ADGRA3: variants seen among roughly 807,000 people sequenced by gnomAD.
The protein encoded by ADGRA3 is adhesion G protein-coupled receptor A3.
A neutral mutation model predicts 119.8 loss-of-function variants in ADGRA3; 56 were observed. The ratio of observed to expected loss-of-function variants is 0.47; its 90% CI spans 0.38 to 0.58. The LOEUF (loss-of-function observed/expected upper bound fraction) is 0.58, where lower values mean the gene tolerates loss of function less well. ADGRA3 is among the 20% of genes least tolerant of loss of function. The pLI is 0.00. For missense variants in ADGRA3, 1,516 were observed against 1,649.0 expected, an observed-to-expected ratio of 0.92 and a Z score of 1.40; for synonymous variants, 607 against 623.8, an observed-to-expected ratio of 0.97 and a Z score of 0.40.
Position 22,388,835 on chromosome 4 carries a change from G to A in ADGRA3, c.2836C>T (p.Pro946Ser), listed in dbSNP as rs768058984. 2.0e-5 allele frequency: 32 copies of A among 1,613,814 alleles called. No homozygotes were observed. The highest frequency in any genetic ancestry group is 2.5e-5 in the Non-Finnish European group (30 of 1,179,958). The change falls in exon 19 of 19, where the codon CCT (proline) becomes TCT (serine). Residue 946 changes from proline (P) to serine (S), a missense_variant. This residue lies in a region of ADGRA3 where 1,088 missense variants were observed against 1,107.1 expected (regional missense o/e 0.98). Coordinates refer to ENST00000334304, the MANE Select transcript of ADGRA3 (RefSeq NM_145290.4). ...LSIFIQLKRHPERKYELKEPT... is the reference protein window; with the variant it reads ...LSIFIQLKRHSERKYELKEPT... The stretch of plus-strand genomic sequence containing the variant: ...TCCTTAAGCTCATATTTGCGCTCAG[G>A]GTGTCTTTTCAACTGAATAAATATG...
chr4:22,416,298 G>A (rs1405392807), intron 12 of ADGRA3, among the ~76,000 whole-genome samples: 4 of 152,046 alleles, frequency 2.6e-5, no homozygotes, highest in South Asian at 2.1e-4. Flanking sequence ...ACAAACACAC[G>A]AATGAGAGGT....
chr4:22,408,595 C>T (rs191746534), intron 14 of ADGRA3, among the ~76,000 whole-genome samples: 70 of 152,134 alleles, frequency 4.6e-4, no homozygotes, highest in African/African-American at 1.6e-3. Flanking sequence ...TAGAATGATA[C>T]ATCACAACAC....
rs1719643565 is a variant in ADGRA3 at position 22,515,757 on chromosome 4, G to T, written c.28C>A (p.Arg10Ser). 15 of 1,022,558 alleles carry T rather than the reference G, an allele frequency of 1.5e-5. No homozygotes were observed. The highest frequency in any genetic ancestry group is 1.7e-5 in the Non-Finnish European group (15 of 858,734). The allele number at this position is 1,022,558 out of a possible 1,614,324, so 63.3% of individuals were successfully genotyped here. A position where few individuals can be genotyped will look rare whatever the true frequency, so the allele number is the denominator to read the frequency against. The change falls in exon 1 of 19, where the codon CGC (arginine) becomes AGC (serine). Residue 10 changes from arginine (R) to serine (S), a missense_variant. By Grantham distance (110) the Arg-to-Ser change is moderately radical. This residue lies in a region of ADGRA3 where 428 missense variants were observed against 541.9 expected (regional missense o/e 0.79). Coordinates refer to ENST00000334304, the MANE Select transcript of ADGRA3 (RefSeq NM_145290.4). MEPPGRRRG[R>S]AQPPLLLPLS... ...GGCAGCAACAGCGGCGGCTGCGCGC[G>T]GCCCCGCCGGCGTCCGGGTGGCTCC...
Position 22,461,526 on chromosome 4 carries a change from C to G in ADGRA3, c.401+211G>C, listed in dbSNP as rs1020313476. 3.9e-5 allele frequency among the ~76,000 whole-genome samples: 6 copies of G among 152,300 alleles called. No individual in the cohort carries two copies. In the East Asian group the frequency reaches 1.2e-3, roughly 29 times the overall value. On this transcript the variant is annotated intron_variant, in intron 3 of 18. Transcript: ENST00000334304. ...CCTTGGCCAGGCTGGTCTTGAATTC[C>G]TGACCTCAGGTGATCCACCCGCCTC...
intron 12 of ADGRA3, chr4:22,414,510 C>A (rs7658234): frequency 3.9e-5 from 24 of 618,140 alleles, no homozygotes; most frequent in Non-Finnish European, 6.8e-5. Context: ...AACAATTAAC[C>A]ATCTAAAAAC....
intron 3 of ADGRA3, among the ~76,000 whole-genome samples, chr4:22,456,411 C>T: frequency 6.6e-6 from 1 of 152,146 alleles, no homozygotes. Context: ...CTGGGACAAA[C>T]AGGCAAAAGA....
intron 1 of ADGRA3, among the ~76,000 whole-genome samples, chr4:22,503,234 CAAAT>C (rs1202546540): frequency 6.6e-6 from 1 of 152,018 alleles, no homozygotes; most frequent in East Asian, 1.9e-4. Context: ...TCATTTAAAA[CAAAT>C]AAACAAACAG....
chr4:22,419,746 T>C lies in ADGRA3; in HGVS notation c.1809+1140A>G, dbSNP rs563612305. ...TTGCTGTTTCTAGTCTTTTATAGTA[T>C]GTTTGTGGTTTTTTTGTTTTGTTTT... On this transcript the variant is annotated intron_variant, in intron 12 of 18. Coordinates refer to ENST00000334304, the MANE Select transcript of ADGRA3 (RefSeq NM_145290.4). Among the ~76,000 whole-genome samples, 31 of 152,096 alleles carry C rather than the reference T, an allele frequency of 2.0e-4. No homozygotes were observed. In the South Asian group the frequency reaches 6.5e-3, roughly 32 times the overall value.
In ADGRA3 at chr4:22,390,112, T is replaced by C. The variant is rs1478974642; in HGVS notation, c.2628-929A>G. 2.0e-5 allele frequency among the ~76,000 whole-genome samples: 3 copies of C among 151,922 alleles called. No individual in the cohort carries two copies. In the East Asian group the frequency reaches 5.8e-4, roughly 29 times the overall value. ...CCACAGATTAGAGAGATGCCAATAA[T>C]ACGTGACCTTCCCCTTCTTCCTGCT... On this transcript the variant is annotated intron_variant, in intron 17 of 18. Coordinates refer to ENST00000334304, the MANE Select transcript of ADGRA3 (RefSeq NM_145290.4).
At chr4:22,405,966 T>C (rs1190133027) in intron 14 of ADGRA3, among the ~76,000 whole-genome samples, 1 of 152,178 alleles carries the variant, frequency 6.6e-6, no homozygotes, top group Non-Finnish European at 1.5e-5. Flanking sequence ...CCCCTCTTCC[T>C]AGACCCTTCC....
intron 2 of ADGRA3, among the ~76,000 whole-genome samples, chr4:22,470,666 T>G (rs1015922710): frequency 3.3e-5 from 5 of 152,206 alleles, no homozygotes; most frequent in African/African-American, 7.2e-5. Context: ...ACTCTCTAAC[T>G]AGGCAAATCT....
intron 10 of ADGRA3, among the ~76,000 whole-genome samples, chr4:22,431,626 T>C (rs1369211291): frequency 2.0e-5 from 3 of 152,174 alleles, no homozygotes; most frequent in Non-Finnish European, 2.9e-5. Context: ...AGACATGACT[T>C]TGCTCCTCCT....
chr4:22,489,151 T>C lies in ADGRA3; in HGVS notation c.258-15308A>G, dbSNP rs61227088. Among the ~76,000 whole-genome samples, 246 of 152,274 alleles carry C rather than the reference T, an allele frequency of 1.6e-3. 1 individual carries two copies. Among genetic ancestry groups the C allele is most frequent in the African/African-American group, 5.6e-3 (233 of 41,564 alleles). On this transcript the variant is annotated intron_variant, in intron 1 of 18. Coordinates refer to ENST00000334304, the MANE Select transcript of ADGRA3 (RefSeq NM_145290.4). ...TGGAAGGTGAAAGGCACATCCTACATGGCAGCAGGCAAGAGAGAATGAGAG... is the reference window on the plus strand; with the variant it reads ...TGGAAGGTGAAAGGCACATCCTACACGGCAGCAGGCAAGAGAGAATGAGAG...
chr4:22,465,477 A>G (rs1717621625), intron 2 of ADGRA3, among the ~76,000 whole-genome samples: 2 of 152,210 alleles, frequency 1.3e-5, no homozygotes, highest in African/African-American at 4.8e-5. Context: ...CCCTGTTGCT[A>G]CAATCTGAAG....
At chr4:22,475,785 G>A (rs994060393) in intron 1 of ADGRA3, among the ~76,000 whole-genome samples, 4 of 151,936 alleles carry the variant, frequency 2.6e-5, no homozygotes, top group Admixed American at 2.0e-4. Context: ...CGAGGAAAGG[G>A]TGGGATGCGG....
chr4:22,451,848 G>A (rs1241148983), intron 4 of ADGRA3, among the ~76,000 whole-genome samples: 1 of 152,152 alleles, frequency 6.6e-6, no homozygotes, highest in African/African-American at 2.4e-5. Flanking sequence ...GAAGATCTCT[G>A]ATTCCTAATC....
intron 1 of ADGRA3, among the ~76,000 whole-genome samples, chr4:22,500,386 T>C (rs1212723158): frequency 2.0e-5 from 3 of 152,348 alleles, no homozygotes; most frequent in East Asian, 3.9e-4. Context: ...AAAGCTGTTT[T>C]AGCAATCAGG....
At chr4:22,464,563 C>A (rs1717586204) in intron 2 of ADGRA3, among the ~76,000 whole-genome samples, 1 of 152,188 alleles carries the variant, frequency 6.6e-6, no homozygotes, top group Non-Finnish European at 1.5e-5. Flanking sequence ...ATGGCCCCAG[C>A]ATCCCTTATC....
At chr4:22,468,777 A>T (rs1717753916) in intron 2 of ADGRA3, among the ~76,000 whole-genome samples, 1 of 151,884 alleles carries the variant, frequency 6.6e-6, no homozygotes, top group South Asian at 2.1e-4. Context: ...TCAAAAAAAA[A>T]AAAAAGATAG....
Sources: allele counts gnomAD v4.1 joint callset (sites outside exome capture counted in the v4.1 genomes callset), GRCh38; gene constraint gnomAD v4.1.1; regional missense constraint gnomAD v4.1.1; transcripts MANE v1.5; gene names NCBI Gene and HGNC (gene_info 2026-07-23, HGNC 2026-07-21).